Variants in CENPC observed in about 807,000 individuals in gnomAD.
The protein encoded by CENPC is centromere protein C, also known as CENP-C 1.
In CENPC, 63 loss-of-function variants were observed where a neutral mutation model predicts 112.1. That is an observed-to-expected ratio of 0.56 (90% confidence interval 0.46 to 0.69). CENPC has a LOEUF of 0.69. Among genes scored for constraint, CENPC ranks in the 30% least tolerant of loss-of-function variants. The pLI is 0.00. For synonymous variants in CENPC, 333 were observed against 367.6 expected (o/e 0.91, Z 1.08); for missense variants, 1,000 against 1,103.8 (o/e 0.91, Z 1.33).
rs80164795 is a variant in CENPC at position 67,534,785 on chromosome 4, G to C, written c.232-3871C>G. Among the ~76,000 whole-genome samples the C allele has an allele frequency of 1.1e-3, 162 of 152,294 alleles. 2 individuals carry two copies. The East Asian group carries it at 0.02, about 19-fold the overall frequency. ...GTCTACAAATTTTACTAGGCATATA[G>C]AGCTTCCAATGTGTTTTAGTTTCCC... On this transcript the variant is annotated intron_variant, in intron 4 of 18. Coordinates refer to ENST00000273853, the MANE Select transcript of CENPC (RefSeq NM_001812.4).
At chr4:67,498,904 G>C (rs1490967662) in intron 12 of CENPC, among the ~76,000 whole-genome samples, 2 of 152,212 alleles carry the variant, frequency 1.3e-5, no homozygotes, top group Non-Finnish European at 2.9e-5. Context: ...AGTCCCATCA[G>C]AGGAATCACT....
intron 4 of CENPC, among the ~76,000 whole-genome samples, chr4:67,535,041 T>G (rs1726675731): frequency 6.6e-6 from 1 of 152,056 alleles, no homozygotes; most frequent in South Asian, 2.1e-4. Context: ...CAAAGGATCA[T>G]GGAATCACAA....
chr4:67,490,173 G>A, intron 16 of CENPC, 52 bp from the exon 17 acceptor site: 1 of 1,280,474 alleles, frequency 7.8e-7, no homozygotes. Flanking sequence ...ATTGGTTAAT[G>A]ATATAACATA....
chr4:67,531,300 A>G (rs1726541640), intron 4 of CENPC, among the ~76,000 whole-genome samples: 1 of 152,226 alleles, frequency 6.6e-6, no homozygotes. Context: ...AGCAACCTGC[A>G]GAAGTACATA....
rs1032539582 is a variant in CENPC, at chr4:67,500,067, T to C, written c.2132-4855A>G. Among the ~76,000 whole-genome samples, 4 of 151,996 alleles carry C rather than the reference T, an allele frequency of 2.6e-5. No homozygotes were observed. In the East Asian group the frequency reaches 5.8e-4, roughly 22 times the overall value. On this transcript the variant is annotated intron_variant, in intron 12 of 18. Coordinates refer to ENST00000273853, the MANE Select transcript of CENPC (RefSeq NM_001812.4). ...TACAATAGTAATGTCAAAGATCACC[T>C]GATCACAAATCACCATAAAAGACAT...
Position 67,505,266 on chromosome 4 carries a change from A to T in CENPC, c.2070T>A (p.Asn690Lys). 6.4e-7 allele frequency: 1 copy of T among 1,572,860 alleles called. No individual in the cohort carries two copies. Among genetic ancestry groups the T allele is most frequent in the Non-Finnish European group, 8.6e-7 (1 of 1,159,198 alleles). Residue 690 changes from asparagine to lysine, a missense_variant, in exon 12 of 19, where the codon AAT becomes AAA. Physicochemically the swap from Asn to Lys is moderately conservative, Grantham distance 94 (BLOSUM62 0). Coordinates refer to ENST00000273853, the MANE Select transcript of CENPC (RefSeq NM_001812.4). ...TCTTTCCAGACATTAAATAATTATT[A>T]TTGAGCCTGGAAGGTCCACTTAAGA... ...VLEESGPSRL[N>K]NNYLMSGKND... is the part of the protein sequence containing the mutation.
chr4:67,543,653 A>G (rs1726949301), intron 2 of CENPC, among the ~76,000 whole-genome samples: 2 of 152,200 alleles, frequency 1.3e-5, no homozygotes, highest in Admixed American at 1.3e-4. Flanking sequence ...CTCAATAAAC[A>G]TGACGTTATT....
Position 67,545,464 on chromosome 4 carries a change from A to T in CENPC, c.-109T>A. 1.6e-6 allele frequency: 2 copies of T among 1,224,496 alleles called. No individual in the cohort carries two copies. The highest frequency in any genetic ancestry group is 1.1e-6 in the Non-Finnish European group (1 of 911,762). The allele number at this position is 1,224,496 out of a possible 1,614,324, so 75.9% of individuals were successfully genotyped here. A position where few individuals can be genotyped will look rare whatever the true frequency, so the allele number is the denominator to read the frequency against. ...ATCGCCGGAATACCAGGCCGCGGCC[A>T]AGCAATAACCTTAAGTCTCAGGCGA... On this transcript the variant is annotated 5_prime_UTR_variant, in exon 1 of 19. Coordinates refer to ENST00000273853, the MANE Select transcript of CENPC (RefSeq NM_001812.4).
chr4:67,474,933 T>C lies in CENPC; in HGVS notation c.2716A>G (p.Thr906Ala). The change falls in exon 18 of 19, where the codon ACA becomes GCA. Residue 906 changes from threonine (T) to alanine (A), a missense_variant. By Grantham distance (58) the Thr-to-Ala change is moderately conservative. Transcript: ENST00000273853. ...FGDLLCTLHE[T>A]PYILSTGDSF... is the part of the protein sequence containing the mutation. ...TCCCCAGTACTTAATATATAAGGTG[T>C]TTCATGTAAAGTACACAAAAGGTCA... The C allele has an allele frequency of 6.3e-7, 1 of 1,582,818 alleles. No individual in the cohort carries two copies. Among genetic ancestry groups the C allele is most frequent in the Non-Finnish European group, 8.6e-7 (1 of 1,161,822 alleles).
intron 4 of CENPC, among the ~76,000 whole-genome samples, chr4:67,534,023 C>A (rs928892018): frequency 4.0e-5 from 6 of 151,526 alleles, no homozygotes; most frequent in Non-Finnish European, 8.8e-5. Flanking sequence ...CAGAGCAAGA[C>A]CCTGTCTCAA....
At chr4:67,495,127 A>C (rs1376116247) in intron 13 of CENPC, 32 bp downstream of exon 13, 1 of 1,465,342 alleles carries the variant, frequency 6.8e-7, no homozygotes, top group East Asian at 2.6e-5. Flanking sequence ...ATTTTTCTCA[A>C]TGAAAATATT....
chr4:67,519,531 T>C (rs1291263774), intron 5 of CENPC, 29 bp from the exon 6 acceptor site: 2 of 1,361,212 alleles, frequency 1.5e-6, no homozygotes, highest in South Asian at 3.5e-5. Flanking sequence ...AAGATATTTG[T>C]CAATTAAAAG....
intron 7 of CENPC, among the ~76,000 whole-genome samples, chr4:67,516,755 C>T (rs1051167308): frequency 7.2e-5 from 11 of 151,962 alleles, no homozygotes; most frequent in African/African-American, 2.4e-4. Context: ...GGAAAGATGG[C>T]TTCTAATTAG....
intron 1 of CENPC, 29 bp from the exon 2 acceptor site, chr4:67,544,224 T>A: frequency 1.5e-6 from 2 of 1,373,454 alleles, no homozygotes; most frequent in Non-Finnish European, 2.1e-6. Context: ...ATCAATTTGG[T>A]TTCTTTAAGA....
In CENPC at chr4:67,504,982, C is replaced by A. The variant is rs145539764; in HGVS notation, c.2131+223G>T. The A allele has an allele frequency of 3.1e-3, 1,634 of 523,214 alleles. 3 individuals carry two copies. Among genetic ancestry groups the A allele is most frequent in the Non-Finnish European group, 3.4e-3 (1,017 of 297,938 alleles). 32.4% of individuals were successfully genotyped at this position (523,214 alleles called of 1,614,324 possible). On this transcript the variant is annotated intron_variant, in intron 12 of 18. Coordinates refer to ENST00000273853, the MANE Select transcript of CENPC (RefSeq NM_001812.4). ...ACAATTTTAAATACTGGAGTAGACA[C>A]CTTAAGTGCCAATATTTCATTATGT...
rs1560445904 is a variant in CENPC at position 67,539,881 on chromosome 4, GTGT to G, written c.187_189del (p.Thr63del). On this transcript the variant is annotated inframe_deletion, in exon 4 of 19. Coordinates refer to ENST00000273853, the MANE Select transcript of CENPC (RefSeq NM_001812.4). ...TGAATACAAGTGTCTTTTATTTTGC[GTGT>G]TGAATTAGGCACTGATTTTGTAGAA... 2 of 1,533,730 alleles carry G rather than the reference GTGT, an allele frequency of 1.3e-6. No homozygotes were observed. Among genetic ancestry groups the G allele is most frequent in the Non-Finnish European group, 1.8e-6 (2 of 1,142,470 alleles).
intron 6 of CENPC, 25 bp downstream of exon 6, chr4:67,519,192 T>A (rs551580411): frequency 1.0e-4 from 153 of 1,500,668 alleles, no homozygotes; most frequent in Non-Finnish European, 1.3e-4. Context: ...TAAAGTGCGT[T>A]AACATTATTT....
chr4:67,480,671 T>C (rs1181408699), intron 17 of CENPC, among the ~76,000 whole-genome samples: 1 of 152,130 alleles, frequency 6.6e-6, no homozygotes, highest in Non-Finnish European at 1.5e-5. Flanking sequence ...AAATACCACA[T>C]AAACAGAATT....
At chr4:67,492,115 C>G in intron 16 of CENPC, 65 bp downstream of exon 16, 1 of 1,111,646 alleles carries the variant, frequency 9.0e-7, no homozygotes. Flanking sequence ...GGCCAATCAT[C>G]AAGCAAGCAA....
Sources: gnomAD v4.1 joint callset for allele counts (sites outside exome capture counted in the v4.1 genomes callset) on GRCh38, gnomAD v4.1.1 for gene constraint, MANE v1.5 for transcripts, NCBI Gene and HGNC (gene_info 2026-07-23, HGNC 2026-07-21) for gene names.